Variants in MKI67 observed in about 807,000 individuals in gnomAD.
MKI67 encodes the protein proliferation marker protein Ki-67.
A neutral mutation model predicts 233.5 loss-of-function variants in MKI67; 152 were observed. The observed-to-expected ratio is 0.65, with a 90% CI of 0.57 to 0.74. The LOEUF is 0.74. Among genes scored for constraint, MKI67 ranks in the 30% least tolerant of loss-of-function variants. The pLI is 0.00. For missense variants in MKI67, 3,940 were observed against 3,885.2 expected, an observed-to-expected ratio of 1.01 and a Z score of -0.37; for synonymous variants, 1,465 against 1,418.5, an observed-to-expected ratio of 1.03 and a Z score of -0.74.
rs760360947 is a variant in MKI67, at chr10:128,103,125, T to C, written c.8715A>G (p.Pro2905=). 5 of 1,614,118 alleles carry C rather than the reference T, an allele frequency of 3.1e-6. No homozygotes were observed. In the East Asian group the frequency reaches 6.7e-5, roughly 22 times the overall value. The stretch of plus-strand genomic sequence containing the variant: ...GTTGGGCCTTTTCCTTAGGTGCTCT[T>C]GGCTGTCTCCTGCTGCCAATTACAT... ...AEDVIGSRRQ[P]RAPKEKAQPL... is the part of the protein sequence containing the mutation. The change falls in exon 13 of 15, where the codon CCA becomes CCG. Residue 2905 remains proline, a synonymous_variant. Transcript: ENST00000368654.
Position 128,116,517 on chromosome 10 carries a change from G to C in MKI67, c.374C>G (p.Ser125Ter). 2 of 1,614,084 alleles carry C rather than the reference G, an allele frequency of 1.2e-6. No individual in the cohort carries two copies. Among genetic ancestry groups the C allele is most frequent in the Non-Finnish European group, 1.7e-6 (2 of 1,179,944 alleles). The change falls in exon 6 of 15, where the codon TCA becomes TGA. Residue 125 changes from serine (S) to a stop codon, truncating the protein, a stop_gained. Coordinates refer to ENST00000368654, the MANE Select transcript of MKI67 (RefSeq NM_002417.5). LOFTEE classifies it high-confidence loss of function. ...IREQEPARRV[S>*]RSSFSSDPDE... Reference sequence around the variant, plus strand: ...AGGGTCAGAAGAGAAGCTAGATCTTGAGACACGACGTGCTGGCTCCTGTAA... The same window carrying C: ...AGGGTCAGAAGAGAAGCTAGATCTTCAGACACGACGTGCTGGCTCCTGTAA...
Position 128,106,922 on chromosome 10 carries a change from C to A in MKI67, c.4918G>T (p.Val1640Leu). 1 of 1,614,148 alleles carries A rather than the reference C, an allele frequency of 6.2e-7. No homozygotes were observed. Among genetic ancestry groups the A allele is most frequent in the Non-Finnish European group, 8.5e-7 (1 of 1,180,030 alleles). ...KRRLKTSLGK[V>L]GVKEELLAVG... ...GCTAGGAGCTCTTCTTTCACGCCCA[C>A]TTTCCCCAGGGATGTCTTGAGCCGT... Residue 1640 changes from valine (V) to leucine (L), a missense_variant, in exon 13 of 15, where the codon GTG (valine) becomes TTG (leucine). By Grantham distance (32) the Val-to-Leu change is conservative. Transcript: ENST00000368654.
intron 4 of MKI67, among the ~76,000 whole-genome samples, chr10:128,121,337 T>C (rs1852931418): frequency 6.8e-6 from 1 of 146,070 alleles, no homozygotes; most frequent in Admixed American, 7.0e-5. Flanking sequence ...TCTGTATATG[T>C]GTATATATAT....
Position 128,108,109 on chromosome 10 carries a change from C to G in MKI67, c.3731G>C (p.Gly1244Ala). ...GTCGCAGGGTATTTTAGTGGTTTTA[C>G]CAGCAGCCACTAATTCCTCGGTGTG... Reference protein sequence around the residue: ...PGHTEELVAAGKTTKIPCDSP... With the variant: ...PGHTEELVAAAKTTKIPCDSP... Residue 1244 changes from glycine to alanine, a missense_variant, in exon 13 of 15, where the codon GGT becomes GCT. Gly to Ala is a moderately conservative substitution (Grantham distance 60, BLOSUM62 0). Transcript: ENST00000368654. 3 of 1,611,416 alleles carry G rather than the reference C, an allele frequency of 1.9e-6. No homozygotes were observed. Among genetic ancestry groups the G allele is most frequent in the African/African-American group, 1.4e-5 (1 of 74,010 alleles).
Position 128,108,009 on chromosome 10 carries a change from A to AT in MKI67, c.3830dup (p.Asp1277GlufsTer24), listed in dbSNP as rs1370995512. On this transcript the variant is annotated frameshift_variant, in exon 13 of 15. Coordinates refer to ENST00000368654, the MANE Select transcript of MKI67 (RefSeq NM_002417.5). LOFTEE classifies it high-confidence loss of function. ...TGCACGCTAAGAGTTCTCCCTCTAC[A>AT]TCTGCTTTCCTGATACTTCTCTTGG... 1 of 1,611,508 alleles carries AT rather than the reference A, an allele frequency of 6.2e-7. No individual in the cohort carries two copies. Among genetic ancestry groups the AT allele is most frequent in the African/African-American group, 1.4e-5 (1 of 73,978 alleles).
At chr10:128,112,563 C>G in intron 8 of MKI67, 118 bp from the exon 9 acceptor site, 1 of 959,144 alleles carries the variant, frequency 1.0e-6, no homozygotes, top group Admixed American at 2.3e-5. Flanking sequence ...GCATCAAATG[C>G]TTAAGCCACT....
Position 128,125,193 on chromosome 10 carries a change from G to A in MKI67, c.92+383C>T, listed in dbSNP as rs1418015465. On this transcript the variant is annotated intron_variant, in intron 2 of 14. Coordinates refer to ENST00000368654, the MANE Select transcript of MKI67 (RefSeq NM_002417.5). The surrounding 1 kb of genome is among the most constrained non-coding windows in gnomAD (Gnocchi z 5.3). ...ACAAGGAGCCAAGAGACAAGTGTATGGCTTCCTTCCTTCATTCTCTGTGTC... is the reference window on the plus strand; with the variant it reads ...ACAAGGAGCCAAGAGACAAGTGTATAGCTTCCTTCCTTCATTCTCTGTGTC... Among the ~76,000 whole-genome samples, 1 of 152,160 alleles carries A rather than the reference G, an allele frequency of 6.6e-6. No individual in the cohort carries two copies. The highest frequency in any genetic ancestry group is 2.4e-5 in the African/African-American group (1 of 41,444).
intron 8 of MKI67, 111 bp downstream of exon 8, chr10:128,113,312 TAATA>T (rs995056480): frequency 4.1e-6 from 5 of 1,219,748 alleles, no homozygotes; most frequent in Admixed American, 4.6e-5. Context: ...CTTGTTTCTT[TAATA>T]AATAAATAAA....
chr10:128,101,542 G>A lies in MKI67; in HGVS notation c.9421C>T (p.Arg3141Trp), dbSNP rs369342718. The A allele has an allele frequency of 4.6e-5, 74 of 1,614,154 alleles. No individual in the cohort carries two copies. The highest frequency in any genetic ancestry group is 1.2e-4 in the Admixed American group (7 of 60,016). The change falls in exon 14 of 15, where the codon CGG becomes TGG. Residue 3141 changes from arginine (R) to tryptophan (W), a missense_variant. Arg to Trp is a moderately radical substitution (Grantham distance 101). Transcript: ENST00000368654. ...ACTTTGTCTCTAGGTATGGGTTTCC[G>A]GGCTCCATCATCTGGATTCTGAATG... ...MDIQNPDDGA[R>W]KPIPRDKVTE... is the part of the protein sequence containing the mutation.
rs575852221 is a variant in MKI67, at chr10:128,116,797, C to T, written c.355-261G>A. Among the ~76,000 whole-genome samples, 8 of 152,292 alleles carry T rather than the reference C, an allele frequency of 5.3e-5. No individual in the cohort carries two copies. The South Asian group carries it at 1.7e-3, about 32-fold the overall frequency. ...TGGCAGGTGCCTGTAGTCCCAGCTACTCAGGTGGCCGAGGCAGGAGAATTG... is the reference window on the plus strand; with the variant it reads ...TGGCAGGTGCCTGTAGTCCCAGCTATTCAGGTGGCCGAGGCAGGAGAATTG... On this transcript the variant is annotated intron_variant, in intron 5 of 14. Transcript: ENST00000368654.
In MKI67 at chr10:128,115,403, G is replaced by A. The variant is rs769839694; in HGVS notation, c.1005C>T (p.Ala335=). 4.3e-6 allele frequency: 7 copies of A among 1,613,988 alleles called. No individual in the cohort carries two copies. The African/African-American group carries it at 9.3e-5, about 22-fold the overall frequency. ...TAGCCGGCTCATAGAGAGGAAAGCTGGCGCCCACAGCCTTGCTGGGAGTCT... is the reference window on the plus strand; with the variant it reads ...TAGCCGGCTCATAGAGAGGAAAGCTAGCGCCCACAGCCTTGCTGGGAGTCT... ...SVQTPSKAVG[A]SFPLYEPAKM... The change falls in exon 7 of 15, where the codon GCC becomes GCT. Residue 335 remains alanine, a synonymous_variant. Coordinates refer to ENST00000368654, the MANE Select transcript of MKI67 (RefSeq NM_002417.5).
At chr10:128,120,525 GA>G (rs1033630219) in intron 4 of MKI67, among the ~76,000 whole-genome samples, 4 of 151,270 alleles carry the variant, frequency 2.6e-5, no homozygotes, top group African/African-American at 4.9e-5. Flanking sequence ...AAAAGAAAAA[GA>G]AAAAAAGAAA....
In MKI67 at chr10:128,104,297, GCT is replaced by G; in HGVS notation, c.7541_7542del (p.Glu2514AlafsTer5). On this transcript the variant is annotated frameshift_variant, in exon 13 of 15. Coordinates refer to ENST00000368654, the MANE Select transcript of MKI67 (RefSeq NM_002417.5). LOFTEE classifies it high-confidence loss of function. Reference protein sequence around the residue: ...TSGETTQTHTEPTGDSKSIKA... With the variant: ...TSGETTQTHTXPTGDSKSIKA... The stretch of plus-strand genomic sequence containing the variant: ...TTGATGCTCTTACTATCTCCTGTTG[GCT>G]CTGTGTGTGTTTGCGTAGTCTCCCC... 6.2e-7 allele frequency: 1 copy of G among 1,614,108 alleles called. No individual in the cohort carries two copies. Among genetic ancestry groups the G allele is most frequent in the Non-Finnish European group, 8.5e-7 (1 of 1,180,032 alleles).
Position 128,103,084 on chromosome 10 carries a change from G to A in MKI67, c.8756C>T (p.Ala2919Val), listed in dbSNP as rs769291781. 7.4e-6 allele frequency: 12 copies of A among 1,614,120 alleles called. No homozygotes were observed. The highest frequency in any genetic ancestry group is 2.7e-5 in the African/African-American group (2 of 74,936). ...KEKAQPLEDL[A>V]SFQELSQTPG... ...TGTTTGAGAGAGCTCTTGGAAGCTGGCCAGATCTTCCAGGGGTTGGGCCTT... is the reference window on the plus strand; with the variant it reads ...TGTTTGAGAGAGCTCTTGGAAGCTGACCAGATCTTCCAGGGGTTGGGCCTT... Residue 2919 changes from alanine (A) to valine (V), a missense_variant, in exon 13 of 15, where the codon GCC becomes GTC. Physicochemically the swap from Ala to Val is moderately conservative, Grantham distance 64. Transcript: ENST00000368654.
chr10:128,108,323 C>T lies in MKI67; in HGVS notation c.3517G>A (p.Ala1173Thr), dbSNP rs750845862. 1.9e-6 allele frequency: 3 copies of T among 1,614,068 alleles called. No homozygotes were observed. The South Asian group carries it at 3.3e-5, about 18-fold the overall frequency. The change falls in exon 13 of 15, where the codon GCC (alanine) becomes ACC (threonine). Residue 1173 changes from alanine to threonine, a missense_variant. Transcript: ENST00000368654. Reference sequence around the variant, plus strand: ...CCTGCTGGTTTGGGCGTAAGCATGGCTTTCCCTGCTGATGGTGTTAGTTTC... The same window carrying T: ...CCTGCTGGTTTGGGCGTAAGCATGGTTTTCCCTGCTGATGGTGTTAGTTTC... ...LRKLTPSAGK[A>T]MLTPKPAGGD...
rs1413613140 is a variant in MKI67, at chr10:128,125,702, G to A, written c.-35C>T. On this transcript the variant is annotated 5_prime_UTR_variant, in exon 2 of 15. Coordinates refer to ENST00000368654, the MANE Select transcript of MKI67 (RefSeq NM_002417.5). This position sits in a 1 kb window ranked among gnomAD's most constrained non-coding sequence, Gnocchi z 5.3. ...AGTAAGTTGAGTATAATCCGTAGGGGAAGGCCAGGTATAATCCGTAGGGGA... is the reference window on the plus strand; with the variant it reads ...AGTAAGTTGAGTATAATCCGTAGGGAAAGGCCAGGTATAATCCGTAGGGGA... The A allele has an allele frequency of 1.3e-6, 2 of 1,562,874 alleles. No homozygotes were observed. The highest frequency in any genetic ancestry group is 1.8e-6 in the Non-Finnish European group (2 of 1,134,812).
chr10:128,099,272 A>C lies in MKI67; in HGVS notation c.9706-17T>G, dbSNP rs1335698959. ...GTCCTCAGCCTGTGTGGGAAGAAAA[A>C]AAATAGAACTCTTAAGTAATTTAAA... On this transcript the variant is annotated splice_polypyrimidine_tract_variant and intron_variant, in intron 14 of 14. Transcript: ENST00000368654. The C allele has an allele frequency of 6.2e-7, 1 of 1,605,292 alleles. No homozygotes were observed. Among genetic ancestry groups the C allele is most frequent in the South Asian group, 1.1e-5 (1 of 89,548 alleles).
chr10:128,105,528 T>G lies in MKI67; in HGVS notation c.6312A>C (p.Lys2104Asn). 6.2e-7 allele frequency: 1 copy of G among 1,614,018 alleles called. No individual in the cohort carries two copies. Residue 2104 changes from lysine (K) to asparagine (N), a missense_variant, in exon 13 of 15, where the codon AAA (lysine) becomes AAC (asparagine). Physicochemically the swap from Lys to Asn is moderately conservative, Grantham distance 94. Transcript: ENST00000368654. ...TGTCCATTGATTCTGGTGGTGGAGA[T>G]TTGCAGGCTATTTTGGTAGTTTTGT... ...TDDKTTKIAC[K>N]SPPPESMDTP... is the part of the protein sequence containing the mutation.
intron 4 of MKI67, among the ~76,000 whole-genome samples, chr10:128,120,293 C>A (rs954221812): frequency 2.6e-5 from 4 of 152,092 alleles, no homozygotes; most frequent in African/African-American, 9.7e-5. Context: ...GAGTTCAAGA[C>A]CAGCCTGGCC....
Sources: allele counts gnomAD v4.1 joint callset (sites outside exome capture counted in the v4.1 genomes callset), GRCh38; gene constraint gnomAD v4.1.1; non-coding constraint Gnocchi (gnomAD v3.1); transcripts MANE v1.5; gene names NCBI Gene and HGNC (gene_info 2026-07-23, HGNC 2026-07-21).